The following PCED1B variants were observed in gnomAD, a reference collection of about 807,000 sequenced individuals.
The protein encoded by PCED1B is PC-esterase domain containing 1B, also known as PC-esterase domain-containing protein 1B.
For missense variants in PCED1B, 573 were observed against 573.9 expected (o/e 1.00, Z 0.02); for synonymous variants, 251 against 246.1 (o/e 1.02, Z -0.19).
At chr12:47,126,684 A>G (rs568180252) in intron 2 of PCED1B, among the ~76,000 whole-genome samples, 2 of 152,180 alleles carry the variant, frequency 1.3e-5, no homozygotes, top group South Asian at 4.1e-4. Context: ...TAATTGATAT[A>G]GAATTATTTA....
At chr12:47,111,722 G>A (rs1447015763) in intron 2 of PCED1B, among the ~76,000 whole-genome samples, 1 of 152,116 alleles carries the variant, frequency 6.6e-6, no homozygotes, top group African/African-American at 2.4e-5. Flanking sequence ...TCAGCATAAT[G>A]TCTTCAAGGT....
At chr12:47,220,068 CAAAA>C (rs763940625) in intron 3 of PCED1B, among the ~76,000 whole-genome samples, 44 of 103,738 alleles carry the variant, frequency 4.2e-4, no homozygotes, top group African/African-American at 5.2e-4. Flanking sequence ...GACACTGCCT[CAAAA>C]AAAAAAAAAA....
At chr12:47,188,683 G>A (rs890336408) in intron 2 of PCED1B, among the ~76,000 whole-genome samples, 5 of 152,114 alleles carry the variant, frequency 3.3e-5, no homozygotes, top group South Asian at 2.1e-4. Context: ...CTCATCCATC[G>A]CCCAAATTGA....
At position 47,236,275 on chromosome 12, in the gene PCED1B, T is replaced by A; in HGVS notation, c.1212T>A (p.Arg404=). Residue 404 remains arginine (R), a synonymous_variant, in exon 4 of 4, where the codon CGT becomes CGA. Coordinates refer to ENST00000546455, the MANE Select transcript of PCED1B (RefSeq NM_138371.3). ...TACATAGGGGTTTTGGCAGGTATCG[T>A]CCCCGTGGCCCCTATACGCCCTGGG... ...PVVHRGFGRY[R]PRGPYTPWGQ... is the part of the protein sequence containing the mutation. 4 of 1,614,092 alleles carry A rather than the reference T, an allele frequency of 2.5e-6. No homozygotes were observed. The highest frequency in any genetic ancestry group is 1.1e-5 in the South Asian group (1 of 91,084).
intron 1 of PCED1B, among the ~76,000 whole-genome samples, chr12:47,100,426 T>C (rs1938652764): frequency 6.6e-6 from 1 of 152,240 alleles, no homozygotes. Context: ...TTTTTCCTTA[T>C]ATGTGCTTAT....
At chr12:47,117,310 T>G (rs1939466895) in intron 2 of PCED1B, among the ~76,000 whole-genome samples, 1 of 152,172 alleles carries the variant, frequency 6.6e-6, no homozygotes, top group Admixed American at 6.6e-5. Context: ...AACTCGTCAT[T>G]TACATTAGGT....
intron 2 of PCED1B, among the ~76,000 whole-genome samples, chr12:47,141,567 G>C (rs950178913): frequency 6.6e-6 from 1 of 151,998 alleles, no homozygotes; most frequent in South Asian, 2.1e-4. Context: ...TTGGGACCCA[G>C]CTCCAAGCTC....
At chr12:47,118,415 C>G (rs1428362546) in intron 2 of PCED1B, among the ~76,000 whole-genome samples, 1 of 152,182 alleles carries the variant, frequency 6.6e-6, no homozygotes, top group African/African-American at 2.4e-5. Flanking sequence ...ATATGGCTAG[C>G]CAGTTTTCCC....
intron 3 of PCED1B, among the ~76,000 whole-genome samples, chr12:47,223,161 G>A (rs1239405274): frequency 6.6e-6 from 1 of 152,130 alleles, no homozygotes; most frequent in African/African-American, 2.4e-5. Flanking sequence ...GCCAGAGAAA[G>A]AGAAACCCTC....
intron 2 of PCED1B, chr12:47,135,446 G>C (rs1249371238): frequency 2.9e-6 from 1 of 347,250 alleles, no homozygotes; most frequent in Non-Finnish European, 5.8e-6. Context: ...TGGGAGACAG[G>C]TTGTGGGCAG....
chr12:47,139,134 C>G (rs148647428), intron 2 of PCED1B, among the ~76,000 whole-genome samples: 109 of 152,162 alleles, frequency 7.2e-4, no homozygotes, highest in African/African-American at 2.5e-3. Flanking sequence ...TAGGTACTTA[C>G]GAAATATATG....
At chr12:47,226,870 T>G (rs1185360492) in intron 3 of PCED1B, among the ~76,000 whole-genome samples, 1 of 152,194 alleles carries the variant, frequency 6.6e-6, no homozygotes, top group Non-Finnish European at 1.5e-5. Flanking sequence ...TTTTGTTTTA[T>G]TTTTTATAAA....
chr12:47,115,369 C>G (rs1452062078), intron 2 of PCED1B, among the ~76,000 whole-genome samples: 1 of 152,174 alleles, frequency 6.6e-6, no homozygotes, highest in Admixed American at 6.5e-5. Flanking sequence ...CCTGCCCCTC[C>G]CGCAATGTCT....
chr12:47,089,446 C>CA (rs746983624), intron 1 of PCED1B, among the ~76,000 whole-genome samples: 17,041 of 57,686 alleles, frequency 0.3, 2,766 homozygotes, highest in Non-Finnish European at 0.33. Context: ...GACTCCATCT[C>CA]AAAAAAAAAA....
In PCED1B at chr12:47,235,282, C is replaced by G. The variant is rs752895984; in HGVS notation, c.219C>G (p.Gly73=). The G allele has an allele frequency of 4.3e-6, 7 of 1,614,086 alleles. No individual in the cohort carries two copies. Among genetic ancestry groups the G allele is most frequent in the Admixed American group, 3.3e-5 (2 of 60,034 alleles). The change falls in exon 4 of 4, where the codon GGC becomes GGG. Residue 73 remains glycine, a synonymous_variant. Coordinates refer to ENST00000546455, the MANE Select transcript of PCED1B (RefSeq NM_138371.3). The part of the protein sequence containing the change: ...DGGQRGHMHN[G]LNYREVREFR... ...GCCAGCGGGGCCACATGCACAACGG[C>G]CTTAACTACCGTGAGGTCCGCGAGT... is the stretch of plus-strand genomic sequence containing the variant.
chr12:47,164,049 C>T (rs756994405), intron 2 of PCED1B, among the ~76,000 whole-genome samples: 2 of 152,156 alleles, frequency 1.3e-5, no homozygotes, highest in African/African-American at 4.8e-5. Context: ...ACCCAAGCAC[C>T]TCCCACTAGG....
intron 3 of PCED1B, among the ~76,000 whole-genome samples, chr12:47,228,013 CTCT>C (rs550204716): frequency 8.6e-4 from 130 of 150,896 alleles, no homozygotes; most frequent in African/African-American, 2.2e-3. Flanking sequence ...TGTGTTTTGG[CTCT>C]TCTTCTTTGT....
intron 2 of PCED1B, among the ~76,000 whole-genome samples, chr12:47,169,480 G>A (rs187671498): frequency 3.2e-4 from 48 of 152,022 alleles, no homozygotes; most frequent in African/African-American, 1.2e-3. Context: ...CATATTTTGG[G>A]GTAGTATGTC....
chr12:47,164,139 G>A, intron 2 of PCED1B, among the ~76,000 whole-genome samples: 1 of 152,100 alleles, frequency 6.6e-6, no homozygotes, highest in Non-Finnish European at 1.5e-5. Context: ...CTAAACCATA[G>A]CATTTTGTCC....
Sources: allele counts gnomAD v4.1 joint callset (sites outside exome capture counted in the v4.1 genomes callset), GRCh38; gene constraint gnomAD v4.1.1; transcripts MANE v1.5; gene names NCBI Gene and HGNC (gene_info 2026-07-23, HGNC 2026-07-21).